SLC25A21: variants seen among roughly 807,000 people sequenced by gnomAD.
SLC25A21 encodes solute carrier family 25 member 21, also known as mitochondrial 2-oxodicarboxylate carrier.
A neutral mutation model predicts 43.8 loss-of-function variants in SLC25A21; 47 were observed. The observed-to-expected ratio is 1.07, with a 90% CI of 0.85 to 1.37. SLC25A21 has a LOEUF of 1.37. Among genes scored for constraint, SLC25A21 ranks in the 40% most tolerant of loss-of-function variants. SLC25A21 has a pLI of 0.00. For synonymous variants in SLC25A21, 131 were observed against 121.3 expected (o/e 1.08, Z -0.52); for missense variants, 352 against 350.2 (o/e 1.00, Z -0.04).
chr14:37,153,378 G>A (rs548057335), intron 1 of SLC25A21, among the ~76,000 whole-genome samples: 165 of 152,232 alleles, frequency 1.1e-3, no homozygotes, highest in Non-Finnish European at 2.0e-3. Context: ...CCACAGCCAG[G>A]GATAAGAAGC....
chr14:36,895,472 T>G (rs952260734), intron 1 of SLC25A21, among the ~76,000 whole-genome samples: 1 of 152,212 alleles, frequency 6.6e-6, no homozygotes. Flanking sequence ...TCAATTTTGT[T>G]GATCTTTTCA....
chr14:36,813,483 C>T (rs1181792103), intron 3 of SLC25A21, among the ~76,000 whole-genome samples: 1 of 152,042 alleles, frequency 6.6e-6, no homozygotes, highest in Non-Finnish European at 1.5e-5. Flanking sequence ...CCTAAGCCTC[C>T]CAAGCAGCTG....
Position 36,776,230 on chromosome 14 carries a change from C to CTTTTTTTTTTTTTTTTTT in SLC25A21, c.203+37687_203+37688insAAAAAAAAAAAAAAAAAA, listed in dbSNP as rs1328087696. On this transcript the variant is annotated intron_variant, in intron 3 of 9. Transcript: ENST00000331299. ...ACTGCTTTCTTTTTTCTTTTTCTTT[C>CTTTTTTTTTTTTTTTTTT]TTTCTTTCTTTTTTTTTTTTTTTTG... Among the ~76,000 whole-genome samples, 44 of 70,822 alleles carry CTTTTTTTTTTTTTTTTTT rather than the reference C, an allele frequency of 6.2e-4. 6 individuals are homozygous for CTTTTTTTTTTTTTTTTTT. The highest frequency in any genetic ancestry group is 2.5e-3 in the East Asian group (6 of 2,432). The allele number at this position is 70,822 out of a possible 152,430, so 46.5% of individuals were successfully genotyped here. A position where few individuals can be genotyped will look rare whatever the true frequency, so the allele number is the denominator to read the frequency against.
intron 1 of SLC25A21, among the ~76,000 whole-genome samples, chr14:37,043,987 T>C (rs1393865714): frequency 6.7e-6 from 1 of 150,338 alleles, no homozygotes; most frequent in Admixed American, 6.6e-5. Context: ...TATTAATATA[T>C]TGACCAGGCT....
rs78750720 is a variant in SLC25A21 at position 37,139,645 on chromosome 14, A to G, written c.70+32636T>C. On this transcript the variant is annotated intron_variant, in intron 1 of 9. Coordinates refer to ENST00000331299, the MANE Select transcript of SLC25A21 (RefSeq NM_030631.4). ...CTTTAGGGCAACACTATGAATCTTCAAGAAGAACTAAAATAGTTCTATCCA... is the reference window on the plus strand; with the variant it reads ...CTTTAGGGCAACACTATGAATCTTCGAGAAGAACTAAAATAGTTCTATCCA... Among the ~76,000 whole-genome samples the G allele has an allele frequency of 4.9e-4, 75 of 152,302 alleles. No homozygotes were observed. The East Asian group carries it at 0.013, about 25-fold the overall frequency.
chr14:36,846,130 C>T (rs531417882), intron 2 of SLC25A21, among the ~76,000 whole-genome samples: 52 of 152,240 alleles, frequency 3.4e-4, no homozygotes, highest in African/African-American at 1.1e-3. Context: ...CACATTACTT[C>T]GCCTTGCAAC....
At chr14:36,829,220 G>C (rs945137920) in intron 2 of SLC25A21, among the ~76,000 whole-genome samples, 6 of 152,084 alleles carry the variant, frequency 3.9e-5, no homozygotes, top group African/African-American at 1.4e-4. Flanking sequence ...TTTCTACTCT[G>C]TTCCTTCCCC....
chr14:37,003,953 C>T (rs1391132523), intron 1 of SLC25A21, among the ~76,000 whole-genome samples: 1 of 152,118 alleles, frequency 6.6e-6, no homozygotes, highest in Non-Finnish European at 1.5e-5. Flanking sequence ...ACACCCAAGG[C>T]ATGGATTTCT....
chr14:37,073,864 G>A (rs8013854), intron 1 of SLC25A21, among the ~76,000 whole-genome samples: 2 of 151,580 alleles, frequency 1.3e-5, no homozygotes, highest in African/African-American at 2.4e-5. Flanking sequence ...AACCATTTTC[G>A]CATATTTCTG....
intron 1 of SLC25A21, among the ~76,000 whole-genome samples, chr14:36,995,879 T>C (rs1445791771): frequency 6.6e-6 from 1 of 152,166 alleles, no homozygotes; most frequent in African/African-American, 2.4e-5. Context: ...AACATAATAC[T>C]GTAGCTAACA....
chr14:36,935,566 G>C (rs1892401606), intron 1 of SLC25A21, among the ~76,000 whole-genome samples: 1 of 152,196 alleles, frequency 6.6e-6, no homozygotes, highest in African/African-American at 2.4e-5. Context: ...GGATCCACAT[G>C]ATCTCCTGAT....
intron 7 of SLC25A21, among the ~76,000 whole-genome samples, chr14:36,698,850 T>C (rs1458193117): frequency 6.6e-6 from 1 of 152,186 alleles, no homozygotes; most frequent in African/African-American, 2.4e-5. Context: ...TTCCTTGCGA[T>C]GGGTTCGAAT....
chr14:37,027,135 A>C (rs1316689739), intron 1 of SLC25A21, among the ~76,000 whole-genome samples: 3 of 152,198 alleles, frequency 2.0e-5, no homozygotes, highest in African/African-American at 7.2e-5. Context: ...ACAAACAACA[A>C]AATACTGATG....
intron 1 of SLC25A21, among the ~76,000 whole-genome samples, chr14:36,906,275 T>C (rs1480856866): frequency 6.6e-6 from 1 of 152,136 alleles, no homozygotes; most frequent in African/African-American, 2.4e-5. Flanking sequence ...TATATGTTCA[T>C]TCAAAAAATA....
chr14:36,859,216 TA>T (rs1162186946), intron 2 of SLC25A21, among the ~76,000 whole-genome samples: 4 of 152,334 alleles, frequency 2.6e-5, no homozygotes, highest in African/African-American at 9.6e-5. Flanking sequence ...ACAATCTTGA[TA>T]AAAAGATTTC....
intron 2 of SLC25A21, among the ~76,000 whole-genome samples, chr14:36,868,487 G>C (rs1890274954): frequency 6.6e-6 from 1 of 152,072 alleles, no homozygotes; most frequent in Admixed American, 6.6e-5. Context: ...GTCTATCCCT[G>C]GTGACATATT....
chr14:36,825,261 A>G (rs538740513), intron 2 of SLC25A21, among the ~76,000 whole-genome samples: 10 of 145,636 alleles, frequency 6.9e-5, no homozygotes, highest in Non-Finnish European at 1.3e-4. Flanking sequence ...CTCTTTCATG[A>G]TCTCTTCCTC....
At chr14:36,866,973 T>C (rs1369122670) in intron 2 of SLC25A21, among the ~76,000 whole-genome samples, 2 of 152,156 alleles carry the variant, frequency 1.3e-5, no homozygotes, top group Admixed American at 1.3e-4. Flanking sequence ...TTAAATGTGG[T>C]CCTTAGAAAC....
chr14:36,991,519 G>A (rs1278867082), intron 1 of SLC25A21, among the ~76,000 whole-genome samples: 1 of 152,132 alleles, frequency 6.6e-6, no homozygotes, highest in Non-Finnish European at 1.5e-5. Flanking sequence ...GTAATAAAAG[G>A]AGCCAAGAAT....
Sources: allele counts gnomAD v4.1 joint callset (sites outside exome capture counted in the v4.1 genomes callset), GRCh38; gene constraint gnomAD v4.1.1; transcripts MANE v1.5; gene names NCBI Gene and HGNC (gene_info 2026-07-23, HGNC 2026-07-21).